Variants in OSBPL6 observed in about 807,000 individuals in gnomAD.
OSBPL6 encodes the protein oxysterol-binding protein-related protein 6.
OSBPL6 carries 49 observed loss-of-function variants against 125.8 expected under a neutral mutation model. The observed-to-expected ratio is 0.39, with a 90% confidence interval of 0.31 to 0.49. OSBPL6 has a LOEUF of 0.49. Among genes scored for constraint, OSBPL6 ranks in the 20% least tolerant of loss-of-function variants. OSBPL6 has a pLI of 0.88. For missense variants in OSBPL6, 986 were observed against 1,135.4 expected, an observed-to-expected ratio of 0.87 and a Z score of 1.89; for synonymous variants, 394 against 391.8, an observed-to-expected ratio of 1.01 and a Z score of -0.07.
At chr2:178,379,368 AGGGAGGGAG>A in intron 15 of OSBPL6, among the ~76,000 whole-genome samples, 1 of 140,372 alleles carries the variant, frequency 7.1e-6, no homozygotes, top group East Asian at 2.4e-4. Context: ...AAGGAAGGAA[AGGGAGGGAG>A]GAAAAGGAGA....
At chr2:178,314,501 T>A (rs886489471) in intron 3 of OSBPL6, among the ~76,000 whole-genome samples, 2 of 152,234 alleles carry the variant, frequency 1.3e-5, no homozygotes, top group African/African-American at 4.8e-5. Context: ...TTTAGCCTTT[T>A]TGGGAATCCA....
intron 3 of OSBPL6, among the ~76,000 whole-genome samples, chr2:178,307,827 G>A (rs1248592815): frequency 6.6e-6 from 1 of 152,110 alleles, no homozygotes; most frequent in Non-Finnish European, 1.5e-5. Flanking sequence ...GTGGCAAATG[G>A]TAAAGACGGA....
intron 1 of OSBPL6, among the ~76,000 whole-genome samples, chr2:178,265,496 A>G (rs1002316501): frequency 6.6e-6 from 1 of 152,004 alleles, no homozygotes; most frequent in Non-Finnish European, 1.5e-5. Flanking sequence ...TTACAGGTGC[A>G]GGCCAACGTG....
chr2:178,239,406 A>G (rs1462734565), intron 1 of OSBPL6, among the ~76,000 whole-genome samples: 1 of 152,040 alleles, frequency 6.6e-6, no homozygotes, highest in Non-Finnish European at 1.5e-5. Flanking sequence ...CAAAAAATTT[A>G]AGGATTAGCC....
intron 12 of OSBPL6, among the ~76,000 whole-genome samples, chr2:178,354,173 G>A (rs949325392): frequency 1.8e-4 from 28 of 152,238 alleles, no homozygotes; most frequent in Admixed American, 3.9e-4. Context: ...AAGAAACTGC[G>A]TCAGTTAACA....
In OSBPL6 at chr2:178,237,817, G is replaced by T. The variant is rs78820092; in HGVS notation, c.-351+43143G>T. The stretch of plus-strand genomic sequence containing the variant: ...CTCCTCTGTGAGGACCACTGGTTTA[G>T]AAATGATTCTTGCAATCAAGCCATT... On this transcript the variant is annotated intron_variant, in intron 1 of 24. Coordinates refer to ENST00000190611, the MANE Select transcript of OSBPL6 (RefSeq NM_032523.4). 1.3e-3 allele frequency among the ~76,000 whole-genome samples: 203 copies of T among 152,242 alleles called. 2 individuals are homozygous for T. The East Asian group carries it at 0.027, about 20-fold the overall frequency.
At chr2:178,385,819 G>A (rs1694888426) in intron 19 of OSBPL6, among the ~76,000 whole-genome samples, 1 of 152,224 alleles carries the variant, frequency 6.6e-6, no homozygotes, top group African/African-American at 2.4e-5. Context: ...GTCTGCATCT[G>A]TAACATGGAG....
intron 1 of OSBPL6, among the ~76,000 whole-genome samples, chr2:178,252,893 A>G (rs2091747486): frequency 6.6e-6 from 1 of 152,122 alleles, no homozygotes; most frequent in Non-Finnish European, 1.5e-5. Context: ...AGGGATCACT[A>G]CATGTAGTCA....
intron 1 of OSBPL6, among the ~76,000 whole-genome samples, chr2:178,252,368 G>A (rs565566665): frequency 2.6e-5 from 4 of 152,124 alleles, no homozygotes; most frequent in African/African-American, 4.8e-5. Flanking sequence ...CAAAAGCAGC[G>A]GTAGACAAAA....
At chr2:178,392,570 C>T in intron 23 of OSBPL6, 32 bp downstream of exon 23, 1 of 1,610,102 alleles carries the variant, frequency 6.2e-7, no homozygotes, top group South Asian at 1.1e-5. Context: ...AATATGCAGA[C>T]TATGGCTGGG....
At chr2:178,252,698 G>C (rs532894587) in intron 1 of OSBPL6, among the ~76,000 whole-genome samples, 1 of 152,252 alleles carries the variant, frequency 6.6e-6, no homozygotes, top group Admixed American at 6.5e-5. Flanking sequence ...AATTTAGATA[G>C]GCAGATAGAT....
chr2:178,331,736 A>G (rs1689213242), intron 6 of OSBPL6, 131 bp downstream of exon 6: 2 of 905,574 alleles, frequency 2.2e-6, no homozygotes, highest in Middle Eastern at 2.2e-4. Flanking sequence ...AAGATTTCAC[A>G]AGCTCCCAAA....
chr2:178,384,079 C>T lies in OSBPL6; in HGVS notation c.1916C>T (p.Thr639Ile). The part of the protein sequence containing the change: ...AAFAVSGYCS[T>I]YFRAGSKPFN... ...TTTGCAGTTTCAGGATACTGCTCCA[C>T]CTATTTCAGAGCAGGAAGTAAGCCA... Residue 639 changes from threonine to isoleucine, a missense_variant, in exon 18 of 25, where the codon ACC becomes ATC. Coordinates refer to ENST00000190611, the MANE Select transcript of OSBPL6 (RefSeq NM_032523.4). 1 of 1,614,044 alleles carries T rather than the reference C, an allele frequency of 6.2e-7. No individual in the cohort carries two copies. The highest frequency in any genetic ancestry group is 1.7e-4 in the Middle Eastern group (1 of 6,060).
At chr2:178,288,641 C>CTT (rs777799582) in intron 2 of OSBPL6, among the ~76,000 whole-genome samples, 1 of 138,684 alleles carries the variant, frequency 7.2e-6, no homozygotes, top group Admixed American at 7.2e-5. Context: ...GGAAAAGGGA[C>CTT]TTTTTTTTTT....
chr2:178,250,907 C>A (rs1309904280), intron 1 of OSBPL6, among the ~76,000 whole-genome samples: 1 of 151,668 alleles, frequency 6.6e-6, no homozygotes, highest in Non-Finnish European at 1.5e-5. Flanking sequence ...ATCTTATGCA[C>A]CCTTGAACCT....
At chr2:178,316,430 T>A (rs1039432766) in intron 3 of OSBPL6, among the ~76,000 whole-genome samples, 7 of 152,224 alleles carry the variant, frequency 4.6e-5, no homozygotes, top group South Asian at 2.1e-4. Context: ...AGGAGATATT[T>A]AAATAACCTC....
chr2:178,365,345 T>C (rs1337338919), intron 13 of OSBPL6, among the ~76,000 whole-genome samples: 3 of 152,222 alleles, frequency 2.0e-5, no homozygotes, highest in Non-Finnish European at 4.4e-5. Context: ...CGAAGGCACA[T>C]AGCAGATAAA....
intron 21 of OSBPL6, 69 bp from the exon 22 acceptor site, chr2:178,391,004 A>G (rs1695357315): frequency 3.2e-6 from 5 of 1,573,788 alleles, no homozygotes; most frequent in African/African-American, 1.4e-5. Flanking sequence ...AAATTTTTCT[A>G]TATGGAAAAT....
chr2:178,344,667 G>GT (rs11403509), intron 11 of OSBPL6, among the ~76,000 whole-genome samples: 91,250 of 150,746 alleles, frequency 0.61, 28,625 homozygotes, highest in East Asian at 0.71. Flanking sequence ...AAATTATATT[G>GT]TTTTTTTTTC....
Sources: allele counts gnomAD v4.1 joint callset (sites outside exome capture counted in the v4.1 genomes callset), GRCh38; gene constraint gnomAD v4.1.1; transcripts MANE v1.5; gene names NCBI Gene and HGNC (gene_info 2026-07-23, HGNC 2026-07-21).